The following KLHL35 variants were observed in gnomAD, a reference collection of about 807,000 sequenced individuals.
KLHL35 encodes the protein kelch like family member 35, also known as kelch-like protein 35.
Under a neutral mutation model 44.0 loss-of-function variants are expected in KLHL35, and 50 were observed. That is an observed-to-expected ratio of 1.14 (90% CI 0.91 to 1.44). KLHL35 has a LOEUF of 1.44. KLHL35 is among the 40% of genes most tolerant of loss of function. The probability of loss-of-function intolerance (pLI) is 0.00; values close to 1 mark genes in which losing one functional copy is unlikely to be tolerated. For missense variants in KLHL35, 1,049 were observed against 887.8 expected, an observed-to-expected ratio of 1.18 and a Z score of -2.31; for synonymous variants, 470 against 410.4, an observed-to-expected ratio of 1.15 and a Z score of -1.76.
chr11:75,425,634 C>T (rs1263276987), intron 4 of KLHL35, 53 bp from the exon 5 acceptor site: 6 of 1,356,672 alleles, frequency 4.4e-6, no homozygotes, highest in Admixed American at 3.3e-5. Context: ...TTAGGGCCCT[C>T]GGCCTCATCG....
chr11:75,423,669 C>T (rs764765756), intron 6 of KLHL35, 23 bp downstream of exon 6: 2 of 1,607,822 alleles, frequency 1.2e-6, no homozygotes, highest in Non-Finnish European at 1.7e-6. Flanking sequence ...GTTCCGCTCT[C>T]CTGCCTTGAA....
At chr11:75,426,725 C>T in intron 3 of KLHL35, 87 bp from the exon 4 acceptor site, 1 of 860,838 alleles carries the variant, frequency 1.2e-6, no homozygotes, top group East Asian at 2.7e-5. Flanking sequence ...CCCCCAGATC[C>T]AAAGGAAGGG....
intron 3 of KLHL35, 98 bp downstream of exon 3, chr11:75,428,344 C>T (rs1948507045): frequency 7.2e-7 from 1 of 1,383,060 alleles, no homozygotes; most frequent in East Asian, 2.5e-5. Context: ...AGAAAACATC[C>T]CGCCCCTCTC....
rs1948516787 is a variant in KLHL35 at position 75,429,667 on chromosome 11, T to C, written c.881+82A>G. 2.9e-6 allele frequency: 4 copies of C among 1,363,668 alleles called. No individual in the cohort carries two copies. The East Asian group carries it at 1.2e-4, about 42-fold the overall frequency. The allele number at this position is 1,363,668 out of a possible 1,614,324, so 84.5% of individuals were successfully genotyped here. On this transcript the variant is annotated intron_variant, in intron 2 of 6. Transcript: ENST00000539798. Reference sequence around the variant, plus strand: ...ACTGAATATCATCAAGAGGCAGTACTAAAAGATGATGAAAGAATGAATGAG... The same window carrying C: ...ACTGAATATCATCAAGAGGCAGTACCAAAAGATGATGAAAGAATGAATGAG...
rs1194322574 is a variant in KLHL35, at chr11:75,426,618, C to G, written c.1087G>C (p.Asp363His). Residue 363 changes from aspartate (D) to histidine (H), a missense_variant, in exon 4 of 7, where the codon GAT becomes CAT. Coordinates refer to ENST00000539798, the MANE Select transcript of KLHL35 (RefSeq NM_001039548.3). ...YVSGGHINSH[D>H]VWMFSSHLHT... is the part of the protein sequence containing the mutation. ...AGATGGGAGCTAAACATCCACACAT[C>G]ATGACTGTTGATGTGGCCTCCTAGG... The G allele has an allele frequency of 6.2e-7, 1 of 1,601,708 alleles. No homozygotes were observed. Among genetic ancestry groups the G allele is most frequent in the Non-Finnish European group, 8.5e-7 (1 of 1,175,242 alleles).
rs1948518597 is a variant in KLHL35, at chr11:75,429,825, G to A, written c.805C>T (p.Arg269Cys). ...GCGCGAGCCTCGAGCAGCAGCGGGC[G>A]GCACTCGCCGCAGGCCTGCAGCAGC... ...DELLQACGECRPLLLEARACF... is the reference protein window; with the variant it reads ...DELLQACGECCPLLLEARACF... Residue 269 changes from arginine (R) to cysteine (C), a missense_variant, in exon 2 of 7, where the codon CGC becomes TGC. By Grantham distance (180) the Arg-to-Cys change is radical. Coordinates refer to ENST00000539798, the MANE Select transcript of KLHL35 (RefSeq NM_001039548.3). The A allele has an allele frequency of 6.6e-7, 1 of 1,512,332 alleles. No homozygotes were observed. The highest frequency in any genetic ancestry group is 8.8e-7 in the Non-Finnish European group (1 of 1,137,682). 93.7% of individuals were successfully genotyped at this position (1,512,332 alleles called of 1,614,324 possible).
intron 6 of KLHL35, chr11:75,422,989 T>C: frequency 1.8e-6 from 1 of 553,086 alleles, no homozygotes; most frequent in Non-Finnish European, 3.2e-6. Context: ...GGACCTCAGT[T>C]TCCTCATCGG....
At chr11:75,432,569 A>G (rs549321166) in intron 1 of KLHL35, among the ~76,000 whole-genome samples, 29 of 152,304 alleles carry the variant, frequency 1.9e-4, no homozygotes, top group African/African-American at 6.7e-4. Context: ...TCTCATCAGC[A>G]TAAGGATGGA....
In KLHL35 at chr11:75,423,673, C is replaced by T. The variant is rs2135077766; in HGVS notation, c.1563+19G>A. 3 of 1,610,092 alleles carry T rather than the reference C, an allele frequency of 1.9e-6. No individual in the cohort carries two copies. In the East Asian group the frequency reaches 6.7e-5, roughly 36 times the overall value. ...CTTAGAAGCGGGTTCCGCTCTCCTG[C>T]CTTGAAGCCTCCACTTACCACAGGG... On this transcript the variant is annotated intron_variant, in intron 6 of 6. Transcript: ENST00000539798.
chr11:75,425,433 A>G lies in KLHL35; in HGVS notation c.1334T>C (p.Val445Ala), dbSNP rs753740951. The change falls in exon 5 of 7, where the codon GTG (valine) becomes GCG (alanine). Residue 445 changes from valine (V) to alanine (A), a missense_variant. Val to Ala is a moderately conservative substitution (Grantham distance 64). Coordinates refer to ENST00000539798, the MANE Select transcript of KLHL35 (RefSeq NM_001039548.3). ...AVASCAGKLF[V>A]IGGARQGGVN... ...GCCGCCCTGCCTGGCGCCCCCAATCACGAAGAGCTTGCCCGCGCAGGACGC... is the reference window on the plus strand; with the variant it reads ...GCCGCCCTGCCTGGCGCCCCCAATCGCGAAGAGCTTGCCCGCGCAGGACGC... The G allele has an allele frequency of 6.4e-7, 1 of 1,570,208 alleles. No individual in the cohort carries two copies. Among genetic ancestry groups the G allele is most frequent in the Admixed American group, 1.8e-5 (1 of 55,538 alleles).
intron 2 of KLHL35, 162 bp from the exon 3 acceptor site, chr11:75,428,788 T>G: frequency 1.7e-6 from 1 of 591,894 alleles, no homozygotes; most frequent in South Asian, 2.4e-5. Context: ...CCCTGCCACT[T>G]CCAACTTTGC....
chr11:75,425,583 TG>T lies in KLHL35; in HGVS notation c.1186-3del. 6.8e-7 allele frequency: 1 copy of T among 1,472,738 alleles called. No individual in the cohort carries two copies. The highest frequency in any genetic ancestry group is 8.9e-7 in the Non-Finnish European group (1 of 1,118,508). 91.2% of individuals were successfully genotyped at this position (1,472,738 alleles called of 1,614,324 possible). A position where few individuals can be genotyped will look rare whatever the true frequency, so the allele number is the denominator to read the frequency against. ...GTCGAAGCCACCCACCGCGAACAGCTGCAAGTGAGGACATGGGCCGGGGAGC... is the reference window on the plus strand; with the variant it reads ...GTCGAAGCCACCCACCGCGAACAGCTCAAGTGAGGACATGGGCCGGGGAGC... On this transcript the variant is annotated splice_polypyrimidine_tract_variant and splice_region_variant and intron_variant, in intron 4 of 6. Transcript: ENST00000539798.
At position 75,431,032 on chromosome 11, in the gene KLHL35, C is replaced by T. The variant is rs540117339; in HGVS notation, c.-1-402G>A. On this transcript the variant is annotated intron_variant, in intron 1 of 6. Coordinates refer to ENST00000539798, the MANE Select transcript of KLHL35 (RefSeq NM_001039548.3). ...ACTAACAGCAGGGCGCCTTGGCCGC[C>T]CCGGGGTCTGTAGCGGGAGAGCAGG... Among the ~76,000 whole-genome samples the T allele has an allele frequency of 2.6e-5, 4 of 152,306 alleles. No homozygotes were observed. The East Asian group carries it at 5.8e-4, about 22-fold the overall frequency.
chr11:75,423,927 C>T, intron 5 of KLHL35, 47 bp from the exon 6 acceptor site: 2 of 1,430,006 alleles, frequency 1.4e-6, no homozygotes, highest in East Asian at 2.5e-5. Context: ...CCCCCCCCAA[C>T]AAATGCCCCA....
chr11:75,425,375 C>A lies in KLHL35; in HGVS notation c.1374+18G>T. 6.6e-7 allele frequency: 1 copy of A among 1,526,686 alleles called. No individual in the cohort carries two copies. Among genetic ancestry groups the A allele is most frequent in the African/African-American group, 1.4e-5 (1 of 71,124 alleles). 94.6% of individuals were successfully genotyped at this position (1,526,686 alleles called of 1,614,324 possible). The stretch of plus-strand genomic sequence containing the variant: ...CCCCAGCCTTCAACGCCCTCTCGCG[C>A]CTGAGGCCCACGCCCACCTTGTCCG... On this transcript the variant is annotated intron_variant, in intron 5 of 6. Coordinates refer to ENST00000539798, the MANE Select transcript of KLHL35 (RefSeq NM_001039548.3).
In KLHL35 at chr11:75,430,448, G is replaced by T; in HGVS notation, c.182C>A (p.Ala61Glu). ...DFPCHRAALS[A>E]GSAYFRSLFA... Reference sequence around the variant, plus strand: ...CAAGCTGCGGAAGTAGGCGCTGCCCGCGCTGAGCGCCGCGCGGTGGCACGG... The same window carrying T: ...CAAGCTGCGGAAGTAGGCGCTGCCCTCGCTGAGCGCCGCGCGGTGGCACGG... Residue 61 changes from alanine to glutamate, a missense_variant, in exon 2 of 7, where the codon GCG (alanine) becomes GAG (glutamate). Transcript: ENST00000539798. 1 of 1,390,290 alleles carries T rather than the reference G, an allele frequency of 7.2e-7. No homozygotes were observed. Among genetic ancestry groups the T allele is most frequent in the South Asian group, 1.5e-5 (1 of 65,574 alleles). 86.1% of individuals were successfully genotyped at this position (1,390,290 alleles called of 1,614,324 possible).
In KLHL35 at chr11:75,430,166, C is replaced by T. The variant is rs1948523458; in HGVS notation, c.464G>A (p.Ser155Asn). The T allele has an allele frequency of 1.6e-6, 2 of 1,239,362 alleles. No homozygotes were observed. The highest frequency in any genetic ancestry group is 1.0e-6 in the Non-Finnish European group (1 of 992,066). 76.8% of individuals were successfully genotyped at this position (1,239,362 alleles called of 1,614,324 possible). ...GGCGGCCACGCGGCGCAGCGCTAGG[C>T]TGTTGGCGGCGCGCAGGCGGCCCTC... ...FLEGRLRAAN[S>N]LALRRVAAAF... The change falls in exon 2 of 7, where the codon AGC becomes AAC. Residue 155 changes from serine (S) to asparagine (N), a missense_variant. Physicochemically the swap from Ser to Asn is conservative, Grantham distance 46. Coordinates refer to ENST00000539798, the MANE Select transcript of KLHL35 (RefSeq NM_001039548.3).
At chr11:75,427,180 C>T (rs898092952) in intron 3 of KLHL35, among the ~76,000 whole-genome samples, 1 of 152,216 alleles carries the variant, frequency 6.6e-6, no homozygotes, top group African/African-American at 2.4e-5. Context: ...TCAGATGAGA[C>T]TTAGAGACCA....
intron 1 of KLHL35, among the ~76,000 whole-genome samples, chr11:75,432,813 C>G (rs561677324): frequency 1.3e-5 from 2 of 152,270 alleles, no homozygotes; most frequent in South Asian, 4.1e-4. Flanking sequence ...GGTATCCTCC[C>G]TTCTCGGCTG....
Sources: allele counts gnomAD v4.1 joint callset (sites outside exome capture counted in the v4.1 genomes callset), GRCh38; gene constraint gnomAD v4.1.1; transcripts MANE v1.5; gene names NCBI Gene and HGNC (gene_info 2026-07-23, HGNC 2026-07-21).